Variants in RAB7A observed in about 807,000 individuals in gnomAD.
RAB7A encodes RAB7A, member RAS oncogene family, also known as ras-related protein Rab-7a.
In RAB7A, 2 loss-of-function variants were observed where a neutral mutation model predicts 24.5. That is an observed-to-expected ratio of 0.08 (90% CI 0.03 to 0.26). The LOEUF is 0.26. RAB7A is among the 10% of genes least tolerant of loss of function. The pLI, the probability that RAB7A is intolerant of heterozygous loss-of-function variation, is 1.00. For missense variants in RAB7A, 118 were observed against 255.7 expected, an observed-to-expected ratio of 0.46 and a Z score of 3.67; for synonymous variants, 100 against 95.9, an observed-to-expected ratio of 1.04 and a Z score of -0.25.
intron 1 of RAB7A, among the ~76,000 whole-genome samples, chr3:128,777,968 C>T (rs1245188825): frequency 6.6e-6 from 1 of 152,206 alleles, no homozygotes; most frequent in Non-Finnish European, 1.5e-5. Context: ...CCCGCCTCGG[C>T]CTCCCAAAGT....
At chr3:128,809,841 T>A (rs1402206844) in intron 5 of RAB7A, among the ~76,000 whole-genome samples, 1 of 151,560 alleles carries the variant, frequency 6.6e-6, no homozygotes, top group East Asian at 1.9e-4. Flanking sequence ...GTTTCTGGTC[T>A]CTCCAGTCTG....
intron 1 of RAB7A, among the ~76,000 whole-genome samples, chr3:128,746,298 A>C (rs1485467624): frequency 6.6e-6 from 1 of 151,968 alleles, no homozygotes; most frequent in Non-Finnish European, 1.5e-5. Flanking sequence ...TTAGAGACAG[A>C]GTCTTGCTGT....
chr3:128,750,146 C>T (rs1443649281), intron 1 of RAB7A, among the ~76,000 whole-genome samples: 1 of 152,224 alleles, frequency 6.6e-6, no homozygotes, highest in Non-Finnish European at 1.5e-5. Flanking sequence ...GGAACTAGAG[C>T]AAAGGTGGCT....
chr3:128,782,279 C>T (rs976925055), intron 1 of RAB7A, among the ~76,000 whole-genome samples: 2 of 152,142 alleles, frequency 1.3e-5, no homozygotes, highest in African/African-American at 4.8e-5. Flanking sequence ...GTGTAAATCT[C>T]GAATTCTCAG....
intron 1 of RAB7A, among the ~76,000 whole-genome samples, chr3:128,784,946 ATTTT>A (rs11287809): frequency 1.5e-5 from 2 of 135,370 alleles, no homozygotes. Flanking sequence ...TCATGGCATG[ATTTT>A]TTTTTTTTTT....
intron 1 of RAB7A, among the ~76,000 whole-genome samples, chr3:128,765,658 G>A (rs1393983111): frequency 2.0e-5 from 3 of 152,088 alleles, no homozygotes; most frequent in Non-Finnish European, 2.9e-5. Context: ...TGGAAGGGGC[G>A]AGGTGGCTCG....
intron 1 of RAB7A, among the ~76,000 whole-genome samples, chr3:128,741,785 C>T (rs9867598): frequency 0.22 from 32,910 of 152,066 alleles, 5,084 homozygotes; most frequent in African/African-American, 0.43. Context: ...TACACAGATA[C>T]ATACACGCAT....
At chr3:128,784,387 C>G (rs1933293091) in intron 1 of RAB7A, among the ~76,000 whole-genome samples, 1 of 152,196 alleles carries the variant, frequency 6.6e-6, no homozygotes, top group African/African-American at 2.4e-5. Flanking sequence ...TTTACTTTCT[C>G]CCCATTCTCT....
At position 128,813,491 on chromosome 3, in the gene RAB7A, C is replaced by A; in HGVS notation, c.*69C>A. On this transcript the variant is annotated 3_prime_UTR_variant, in exon 6 of 6. Coordinates refer to ENST00000265062, the MANE Select transcript of RAB7A (RefSeq NM_004637.6). Reference sequence around the variant, plus strand: ...ACACACGTAGGCCTTCAACACAATTCCCCTCTCCTCTTCCAAACAAAACAT... The same window carrying A: ...ACACACGTAGGCCTTCAACACAATTACCCTCTCCTCTTCCAAACAAAACAT... 2 of 1,392,176 alleles carry A rather than the reference C, an allele frequency of 1.4e-6. No individual in the cohort carries two copies. The highest frequency in any genetic ancestry group is 1.2e-5 in the South Asian group (1 of 86,550). 86.2% of individuals were successfully genotyped at this position (1,392,176 alleles called of 1,614,324 possible). A position where few individuals can be genotyped will look rare whatever the true frequency, so the allele number is the denominator to read the frequency against.
intron 1 of RAB7A, among the ~76,000 whole-genome samples, chr3:128,744,119 T>G (rs2070584734): frequency 6.7e-6 from 1 of 150,358 alleles, no homozygotes; most frequent in African/African-American, 2.4e-5. Context: ...AAAAAAAAAT[T>G]GGCACATGCC....
chr3:128,771,957 A>G (rs1932946514), intron 1 of RAB7A, among the ~76,000 whole-genome samples: 2 of 152,216 alleles, frequency 1.3e-5, no homozygotes, highest in Admixed American at 1.3e-4. Context: ...GATGATCCAA[A>G]TACCCTCAAA....
chr3:128,764,418 A>C (rs2070807007), intron 1 of RAB7A: 2 of 731,356 alleles, frequency 2.7e-6, no homozygotes, highest in Non-Finnish European at 5.0e-6. Flanking sequence ...GCACTGCCTT[A>C]GTGACCAGGG....
chr3:128,759,514 GT>G (rs1295592761), intron 1 of RAB7A, among the ~76,000 whole-genome samples: 4 of 152,186 alleles, frequency 2.6e-5, no homozygotes, highest in Admixed American at 1.3e-4. Context: ...TTAAGTTTTA[GT>G]CCTTTTACAC....
At chr3:128,779,409 A>G (rs1046351525) in intron 1 of RAB7A, among the ~76,000 whole-genome samples, 7 of 147,584 alleles carry the variant, frequency 4.7e-5, no homozygotes, top group Non-Finnish European at 7.5e-5. Context: ...CTGTGTCTCA[A>G]AAAAAAAAAA....
Position 128,798,057 on chromosome 3 carries a change from A to G in RAB7A, c.168A>G (p.Leu56=), listed in dbSNP as rs1209157048. 2 of 1,614,090 alleles carry G rather than the reference A, an allele frequency of 1.2e-6. No individual in the cohort carries two copies. The highest frequency in any genetic ancestry group is 2.7e-5 in the African/African-American group (2 of 75,066). The stretch of plus-strand genomic sequence containing the variant: ...AGGAGGTGATGGTGGATGACAGGCT[A>G]GTCACAATGCAGGTAAGCACATGTC... ...LTKEVMVDDR[L]VTMQIWDTAG... is the part of the protein sequence containing the mutation. The change falls in exon 3 of 6, where the codon CTA becomes CTG. Residue 56 remains leucine, a synonymous_variant. Transcript: ENST00000265062.
intron 1 of RAB7A, among the ~76,000 whole-genome samples, chr3:128,755,339 A>G (rs1186411693): frequency 1.3e-5 from 2 of 152,208 alleles, no homozygotes; most frequent in Admixed American, 6.5e-5. Context: ...TGCAAAACTT[A>G]TGATATGCCA....
At chr3:128,770,809 T>A (rs901313235) in intron 1 of RAB7A, among the ~76,000 whole-genome samples, 1 of 152,168 alleles carries the variant, frequency 6.6e-6, no homozygotes, top group Non-Finnish European at 1.5e-5. Flanking sequence ...CATCTTTCTC[T>A]TCCTGAAAAA....
chr3:128,755,246 G>A (rs888817241), intron 1 of RAB7A, among the ~76,000 whole-genome samples: 6 of 151,872 alleles, frequency 4.0e-5, no homozygotes, highest in Admixed American at 3.9e-4. Flanking sequence ...CCCTCTTCAA[G>A]AACCAGTGGT....
intron 1 of RAB7A, among the ~76,000 whole-genome samples, chr3:128,745,188 A>G (rs2070600221): frequency 6.6e-6 from 1 of 151,810 alleles, no homozygotes; most frequent in African/African-American, 2.4e-5. Flanking sequence ...TCACTTTTTC[A>G]TTAAATTTTT....
Sources: gnomAD v4.1 joint callset for allele counts (sites outside exome capture counted in the v4.1 genomes callset) on GRCh38, gnomAD v4.1.1 for gene constraint, MANE v1.5 for transcripts, NCBI Gene and HGNC (gene_info 2026-07-23, HGNC 2026-07-21) for gene names.